BRD3: variants seen among roughly 807,000 people sequenced by gnomAD.
BRD3 encodes the protein bromodomain-containing protein 3.
In BRD3, 17 loss-of-function variants were observed where a neutral mutation model predicts 66.8. That is an observed-to-expected ratio of 0.25 (90% CI 0.17 to 0.38). BRD3 has a LOEUF of 0.38. Ranked by LOEUF, BRD3 falls within the 10% of genes least tolerant of loss-of-function variation. The pLI is 1.00. For missense variants in BRD3, 713 were observed against 956.1 expected, an observed-to-expected ratio of 0.75 and a Z score of 3.35; for synonymous variants, 421 against 393.2, an observed-to-expected ratio of 1.07 and a Z score of -0.84.
At chr9:134,061,202 G>C (rs1830537824) in intron 1 of BRD3, among the ~76,000 whole-genome samples, 1 of 152,270 alleles carries the variant, frequency 6.6e-6, no homozygotes, top group African/African-American at 2.4e-5. Context: ...AGGGAGGACA[G>C]AGGGGTGCTG....
At position 134,050,604 on chromosome 9, in the gene BRD3, G is replaced by A. The variant is rs1385156878; in HGVS notation, c.500-16C>T. ...TGCTGTGTACCTTCAAGACAAGGAAGGGATGTTCAACACACCAGGCTCCAC... is the reference window on the plus strand; with the variant it reads ...TGCTGTGTACCTTCAAGACAAGGAAAGGATGTTCAACACACCAGGCTCCAC... On this transcript the variant is annotated splice_polypyrimidine_tract_variant and intron_variant, in intron 4 of 11. Transcript: ENST00000303407. 1.9e-6 allele frequency: 3 copies of A among 1,596,242 alleles called. No individual in the cohort carries two copies. The highest frequency in any genetic ancestry group is 1.3e-5 in the African/African-American group (1 of 74,742).
intron 1 of BRD3, among the ~76,000 whole-genome samples, chr9:134,067,242 C>A (rs1377818445): frequency 6.6e-6 from 1 of 152,120 alleles, no homozygotes; most frequent in Non-Finnish European, 1.5e-5. Context: ...AACTGGGTCT[C>A]CCCCTGGTTT....
intron 5 of BRD3, 30 bp downstream of exon 5, chr9:134,050,344 G>A (rs1334470395): frequency 3.1e-5 from 49 of 1,593,540 alleles, no homozygotes; most frequent in Non-Finnish European, 4.1e-5. Flanking sequence ...GGGCTCAGGT[G>A]CCCCACCCAT....
intron 9 of BRD3, among the ~76,000 whole-genome samples, chr9:134,039,501 T>A: frequency 6.6e-6 from 1 of 152,124 alleles, no homozygotes. Context: ...TGCCTCCCCC[T>A]TGGGAAGCCT....
intron 4 of BRD3, among the ~76,000 whole-genome samples, chr9:134,050,865 G>A (rs1431693240): frequency 6.6e-6 from 1 of 152,166 alleles, no homozygotes; most frequent in Non-Finnish European, 1.5e-5. Flanking sequence ...CCATGGCCTG[G>A]CAGTCAAGGG....
At position 134,034,808 on chromosome 9, in the gene BRD3, G is replaced by A. The variant is rs757284041; in HGVS notation, c.1958C>T (p.Ala653Val). The change falls in exon 11 of 12, where the codon GCA becomes GTA. Residue 653 changes from alanine (A) to valine (V), a missense_variant. Physicochemically the swap from Ala to Val is moderately conservative, Grantham distance 64. This residue lies in a region of BRD3 where 418 missense variants were observed against 609.3 expected (regional missense o/e 0.69). Transcript: ENST00000303407. Reference sequence around the variant, plus strand: ...AGCTAGCTCCTCTTTCGACTTGGCTGCCTGTTTCTTCCCGCTTGCTGCTGT... The same window carrying A: ...AGCTAGCTCCTCTTTCGACTTGGCTACCTGTTTCTTCCCGCTTGCTGCTGT... Reference protein sequence around the residue: ...KPFSASGKKQAAKSKEELAQE... With the variant: ...KPFSASGKKQVAKSKEELAQE... 5.6e-6 allele frequency: 9 copies of A among 1,612,284 alleles called. No individual in the cohort carries two copies. Among genetic ancestry groups the A allele is most frequent in the Middle Eastern group, 1.6e-4 (1 of 6,062 alleles).
intron 10 of BRD3, among the ~76,000 whole-genome samples, chr9:134,035,802 G>T (rs1388912772): frequency 6.6e-6 from 1 of 152,272 alleles, no homozygotes; most frequent in Non-Finnish European, 1.5e-5. Context: ...CCAAGAACAG[G>T]GAAAGAGGGC....
At chr9:134,042,732 T>TAC (rs1325826725) in intron 7 of BRD3, among the ~76,000 whole-genome samples, 5 of 148,740 alleles carry the variant, frequency 3.4e-5, no homozygotes, top group South Asian at 2.1e-4. Flanking sequence ...CACATATATA[T>TAC]ACACACATAT....
Position 134,030,789 on chromosome 9 carries a change from G to T in BRD3, c.*2801C>A. ...GATGACACTGCCCAACACAAAGAGG[G>T]GTCTGGAGTTCAGTTCACGCCCGAA... On this transcript the variant is annotated 3_prime_UTR_variant, in exon 12 of 12. Transcript: ENST00000303407. 4.3e-6 allele frequency: 1 copy of T among 232,350 alleles called. No homozygotes were observed. Among genetic ancestry groups the T allele is most frequent in the Non-Finnish European group, 8.5e-6 (1 of 117,482 alleles). The allele number at this position is 232,350 out of a possible 1,614,324, so 14.4% of individuals were successfully genotyped here. A position where few individuals can be genotyped will look rare whatever the true frequency, so the allele number is the denominator to read the frequency against.
Position 134,045,491 on chromosome 9 carries a change from A to G in BRD3, c.1087-70T>C. On this transcript the variant is annotated intron_variant, in intron 6 of 11. Coordinates refer to ENST00000303407, the MANE Select transcript of BRD3 (RefSeq NM_007371.4). The surrounding 1 kb of genome is among the most constrained non-coding windows in gnomAD (Gnocchi z 4.8). Reference sequence around the variant, plus strand: ...TCAGGACTCTCTGCCACACCCCACGAGATGAACTCTGGAGCCTCAGGAGCC... The same window carrying G: ...TCAGGACTCTCTGCCACACCCCACGGGATGAACTCTGGAGCCTCAGGAGCC... The G allele has an allele frequency of 8.8e-6, 14 of 1,598,488 alleles. No individual in the cohort carries two copies. Among genetic ancestry groups the G allele is most frequent in the Non-Finnish European group, 1.1e-5 (13 of 1,169,852 alleles).
chr9:134,052,479 T>C, intron 2 of BRD3, 36 bp from the exon 3 acceptor site: 1 of 1,581,782 alleles, frequency 6.3e-7, no homozygotes, highest in Non-Finnish European at 8.6e-7. Flanking sequence ...TACCAGAAGA[T>C]TCTACATAAT....
Position 134,033,128 on chromosome 9 carries a change from G to C in BRD3, c.*462C>G. On this transcript the variant is annotated 3_prime_UTR_variant, in exon 12 of 12. Coordinates refer to ENST00000303407, the MANE Select transcript of BRD3 (RefSeq NM_007371.4). This position sits in a 1 kb window ranked among gnomAD's most constrained non-coding sequence, Gnocchi z 5.1. ...AAGAGGTGGCCGCGTCAGACACGAG[G>C]GTCAGAGCTCGGGGCCCAAATGACA... 2.5e-6 allele frequency: 1 copy of C among 399,722 alleles called. No individual in the cohort carries two copies. The highest frequency in any genetic ancestry group is 2.1e-5 in the African/African-American group (1 of 48,744). The allele number at this position is 399,722 out of a possible 1,614,324, so 24.8% of individuals were successfully genotyped here.
At chr9:134,038,894 G>A (rs1227803595) in intron 9 of BRD3, among the ~76,000 whole-genome samples, 1 of 152,104 alleles carries the variant, frequency 6.6e-6, no homozygotes, top group East Asian at 1.9e-4. Context: ...TTAGATAAAG[G>A]ATACTCAACC....
intron 1 of BRD3, among the ~76,000 whole-genome samples, chr9:134,059,536 G>A (rs1453826427): frequency 6.6e-6 from 1 of 152,172 alleles, no homozygotes; most frequent in East Asian, 1.9e-4. Flanking sequence ...TTCACCCCTC[G>A]CAGCTGCCCT....
rs1843543590 is a variant in BRD3, at chr9:134,033,312, G to A, written c.*278C>T. 1 of 432,360 alleles carries A rather than the reference G, an allele frequency of 2.3e-6. No individual in the cohort carries two copies. Among genetic ancestry groups the A allele is most frequent in the Non-Finnish European group, 4.1e-6 (1 of 245,582 alleles). 26.8% of individuals were successfully genotyped at this position (432,360 alleles called of 1,614,324 possible). A position where few individuals can be genotyped will look rare whatever the true frequency, so the allele number is the denominator to read the frequency against. On this transcript the variant is annotated 3_prime_UTR_variant, in exon 12 of 12. Transcript: ENST00000303407. This position sits in a 1 kb window ranked among gnomAD's most constrained non-coding sequence, Gnocchi z 5.1. ...GGTACGAATCTCACACGGTTTTCTG[G>A]GGTCATCGGGTTAGCATTTGAAGTT...
chr9:134,055,056 C>G (rs1830387526), intron 1 of BRD3, among the ~76,000 whole-genome samples: 1 of 148,518 alleles, frequency 6.7e-6, no homozygotes, highest in Admixed American at 6.6e-5. Flanking sequence ...GGGTGCCTCT[C>G]CACCTCACCG....
rs529761495 is a variant in BRD3, at chr9:134,030,812, G to A, written c.*2778C>T. On this transcript the variant is annotated 3_prime_UTR_variant, in exon 12 of 12. Coordinates refer to ENST00000303407, the MANE Select transcript of BRD3 (RefSeq NM_007371.4). Reference sequence around the variant, plus strand: ...GGGGTCTGGAGTTCAGTTCACGCCCGAAGCCTGCCCCCTCGGCCTCCAGGG... The same window carrying A: ...GGGGTCTGGAGTTCAGTTCACGCCCAAAGCCTGCCCCCTCGGCCTCCAGGG... 81 of 232,330 alleles carry A rather than the reference G, an allele frequency of 3.5e-4. 1 individual carries two copies. In the South Asian group the frequency reaches 7.3e-3, roughly 21 times the overall value. The allele number at this position is 232,330 out of a possible 1,614,324, so 14.4% of individuals were successfully genotyped here.
intron 1 of BRD3, 128 bp downstream of exon 1, chr9:134,067,817 C>G (rs1406039311): frequency 2.1e-5 from 3 of 143,500 alleles, no homozygotes; most frequent in South Asian, 2.2e-4. Flanking sequence ...CCCGGGCGCC[C>G]GGTTCACCCG....
intron 5 of BRD3, among the ~76,000 whole-genome samples, chr9:134,049,905 GCT>G (rs1426886633): frequency 2.0e-5 from 3 of 152,190 alleles, no homozygotes; most frequent in Non-Finnish European, 4.4e-5. Flanking sequence ...ACTGAGAAAA[GCT>G]CCCAGCCAAG....
Sources: allele counts gnomAD v4.1 joint callset (sites outside exome capture counted in the v4.1 genomes callset), GRCh38; gene constraint gnomAD v4.1.1; regional missense constraint gnomAD v4.1.1; non-coding constraint Gnocchi (gnomAD v3.1); transcripts MANE v1.5; gene names NCBI Gene and HGNC (gene_info 2026-07-23, HGNC 2026-07-21).